The following TPD52 variants were observed in gnomAD, a reference collection of about 807,000 sequenced individuals.
The protein encoded by TPD52 is tumor protein D52.
TPD52 carries 17 observed loss-of-function variants against 31.3 expected under a neutral mutation model. The observed-to-expected ratio is 0.54, with a 90% confidence interval of 0.37 to 0.82. The LOEUF (loss-of-function observed/expected upper bound fraction) is 0.82. TPD52 is among the 40% of genes least tolerant of loss of function. The pLI, the probability that TPD52 is intolerant of heterozygous loss-of-function variation, is 0.00. For synonymous variants in TPD52, 83 were observed against 89.6 expected (o/e 0.93, Z 0.42); for missense variants, 212 against 240.1 (o/e 0.88, Z 0.77).
intron 1 of TPD52, among the ~76,000 whole-genome samples, chr8:80,096,806 C>G (rs1375431061): frequency 6.6e-6 from 1 of 152,162 alleles, no homozygotes; most frequent in African/African-American, 2.4e-5. Flanking sequence ...TCAGGCCTCC[C>G]TATTTGATGA....
At chr8:80,161,965 G>C (rs944907872) in intron 1 of TPD52, among the ~76,000 whole-genome samples, 5 of 152,098 alleles carry the variant, frequency 3.3e-5, no homozygotes, top group African/African-American at 1.2e-4. Flanking sequence ...CTGACCCCAA[G>C]TGATCCGCCC....
intron 1 of TPD52, among the ~76,000 whole-genome samples, chr8:80,065,518 T>A (rs1465667054): frequency 1.3e-5 from 2 of 151,628 alleles, no homozygotes; most frequent in Non-Finnish European, 2.9e-5. Context: ...TGCCCAACCC[T>A]CACCCACAGG....
At chr8:80,112,200 A>G (rs751151305) in intron 1 of TPD52, among the ~76,000 whole-genome samples, 3 of 152,256 alleles carry the variant, frequency 2.0e-5, no homozygotes, top group Non-Finnish European at 4.4e-5. Context: ...CTAAGTGTGT[A>G]CCAGGTGATA....
rs1404163008 is a variant in TPD52 at position 80,036,460 on chromosome 8, G to A, written c.*1656C>T. The stretch of plus-strand genomic sequence containing the variant: ...GCCCTTATTTAGAATATGTTAATAT[G>A]ATACCATTAAGCAATAATTTAAGGA... On this transcript the variant is annotated 3_prime_UTR_variant, in exon 8 of 8. Transcript: ENST00000518937. 4 of 152,310 alleles carry A rather than the reference G, an allele frequency of 2.6e-5. No homozygotes were observed. Among genetic ancestry groups the A allele is most frequent in the Non-Finnish European group, 5.9e-5 (4 of 67,970 alleles). 9.4% of individuals were successfully genotyped at this position (152,310 alleles called of 1,614,324 possible). A position where few individuals can be genotyped will look rare whatever the true frequency, so the allele number is the denominator to read the frequency against.
intron 5 of TPD52, among the ~76,000 whole-genome samples, chr8:80,048,391 A>G (rs1811075003): frequency 6.6e-6 from 1 of 152,246 alleles, no homozygotes; most frequent in Admixed American, 6.5e-5. Context: ...TAATTACATT[A>G]AGGAGTAAAA....
At chr8:80,137,021 C>A (rs917454831) in intron 1 of TPD52, among the ~76,000 whole-genome samples, 1 of 152,162 alleles carries the variant, frequency 6.6e-6, no homozygotes, top group Non-Finnish European at 1.5e-5. Flanking sequence ...AAATTTCAAT[C>A]TTTTCCAATT....
chr8:80,110,413 T>C (rs975310124), intron 1 of TPD52, among the ~76,000 whole-genome samples: 1 of 152,108 alleles, frequency 6.6e-6, no homozygotes, highest in African/African-American at 2.4e-5. Flanking sequence ...TCATGATTTA[T>C]GAGTTCCACA....
At chr8:80,151,959 C>A (rs1443252998) in intron 1 of TPD52, among the ~76,000 whole-genome samples, 1 of 152,086 alleles carries the variant, frequency 6.6e-6, no homozygotes, top group Non-Finnish European at 1.5e-5. Flanking sequence ...ATGTTAATTG[C>A]GCTTATGTTG....
chr8:80,164,375 G>C (rs1811572568), intron 1 of TPD52, among the ~76,000 whole-genome samples: 1 of 152,194 alleles, frequency 6.6e-6, no homozygotes, highest in Admixed American at 6.5e-5. Context: ...CAAATCAATA[G>C]AGGAAGAAGC....
chr8:80,112,242 C>T (rs1202524407), intron 1 of TPD52, among the ~76,000 whole-genome samples: 7 of 152,218 alleles, frequency 4.6e-5, no homozygotes, highest in Non-Finnish European at 1.0e-4. Context: ...ATAAATTAAT[C>T]TACTTAATCC....
intron 7 of TPD52, among the ~76,000 whole-genome samples, chr8:80,040,025 CATGGCAA>C (rs1810223863): frequency 6.6e-6 from 1 of 152,088 alleles, no homozygotes; most frequent in Admixed American, 6.6e-5. Context: ...TTGACTGGCA[CATGGCAA>C]ATGCTCAGTA....
At chr8:80,054,019 C>T (rs7846068) in intron 2 of TPD52, among the ~76,000 whole-genome samples, 3,510 of 152,272 alleles carry the variant, frequency 0.023, 87 homozygotes, top group African/African-American at 0.059. Context: ...GAGATCCCTG[C>T]TCTCAAGGGT....
intron 1 of TPD52, among the ~76,000 whole-genome samples, chr8:80,164,756 C>T (rs1401221071): frequency 7.0e-6 from 1 of 143,710 alleles, no homozygotes; most frequent in Non-Finnish European, 1.5e-5. Context: ...CATGCTGGCA[C>T]GCACCTGTAA....
intron 1 of TPD52, among the ~76,000 whole-genome samples, chr8:80,120,055 CAAGTT>C (rs1336233624): frequency 6.6e-6 from 1 of 151,932 alleles, no homozygotes; most frequent in Non-Finnish European, 1.5e-5. Flanking sequence ...TAGAATAGCA[CAAGTT>C]AAAAGACAAG....
chr8:80,064,654 C>A, intron 1 of TPD52, 61 bp from the exon 2 acceptor site: 3 of 1,213,796 alleles, frequency 2.5e-6, no homozygotes, highest in Non-Finnish European at 3.7e-6. Context: ...CCTATTTAAG[C>A]TCCTCCACTG....
chr8:80,061,154 T>C (rs906849619), intron 2 of TPD52, among the ~76,000 whole-genome samples: 5 of 110,202 alleles, frequency 4.5e-5, no homozygotes, highest in African/African-American at 1.0e-4. Flanking sequence ...ACACCTGAGG[T>C]TGGGAGTTCA....
At chr8:80,096,032 T>A (rs1334040586) in intron 1 of TPD52, among the ~76,000 whole-genome samples, 1 of 152,132 alleles carries the variant, frequency 6.6e-6, no homozygotes, top group African/African-American at 2.4e-5. Context: ...AAAGCAGGCA[T>A]ATTGCTTGAG....
intron 2 of TPD52, among the ~76,000 whole-genome samples, chr8:80,060,000 G>A (rs1812337993): frequency 6.6e-6 from 1 of 151,548 alleles, no homozygotes; most frequent in Admixed American, 6.6e-5. Flanking sequence ...AGAATTGCTT[G>A]AACCCTGGAG....
intron 1 of TPD52, among the ~76,000 whole-genome samples, chr8:80,168,944 A>C (rs1313668557): frequency 6.6e-6 from 1 of 152,210 alleles, no homozygotes; most frequent in East Asian, 1.9e-4. Flanking sequence ...GCAGGTAGGC[A>C]GGTGGAAGCA....
Sources: allele counts gnomAD v4.1 joint callset (sites outside exome capture counted in the v4.1 genomes callset), GRCh38; gene constraint gnomAD v4.1.1; transcripts MANE v1.5; gene names NCBI Gene and HGNC (gene_info 2026-07-23, HGNC 2026-07-21).